Variants in TTC17 observed in about 807,000 individuals in gnomAD.
TTC17 encodes tetratricopeptide repeat protein 17.
In TTC17, 58 loss-of-function variants were observed where a neutral mutation model predicts 143.8. The observed-to-expected ratio is 0.40, with a 90% CI of 0.33 to 0.50. The LOEUF (loss-of-function observed/expected upper bound fraction) is 0.50, where lower values mean the gene tolerates loss of function less well. TTC17 is among the 20% of genes least tolerant of loss of function. The probability of loss-of-function intolerance (pLI) is 0.49; values close to 1 mark genes in which losing one functional copy is unlikely to be tolerated. For missense variants in TTC17, 1,273 were observed against 1,392.5 expected (o/e 0.91, Z 1.37); for synonymous variants, 501 against 497.8 (o/e 1.01, Z -0.09).
intron 8 of TTC17, 110 bp downstream of exon 8, chr11:43,398,223 T>A: frequency 7.5e-7 from 1 of 1,336,160 alleles, no homozygotes; most frequent in Non-Finnish European, 1.0e-6. Context: ...GAAAGAAACC[T>A]CTTCACTACT....
intron 15 of TTC17, among the ~76,000 whole-genome samples, chr11:43,409,258 T>C (rs1316388583): frequency 1.3e-5 from 2 of 152,196 alleles, no homozygotes; most frequent in Admixed American, 6.5e-5. Flanking sequence ...TGTTGCTGCA[T>C]ATTTAGGTTG....
chr11:43,490,426 C>T (rs1948453938), intron 22 of TTC17, 68 bp downstream of exon 22: 2 of 1,494,808 alleles, frequency 1.3e-6, no homozygotes, highest in South Asian at 1.4e-5. Context: ...GTTTATTCTG[C>T]CCTTTGAACC....
At chr11:43,402,747 G>A (rs990822188) in intron 10 of TTC17, among the ~76,000 whole-genome samples, 8 of 152,084 alleles carry the variant, frequency 5.3e-5, no homozygotes, top group African/African-American at 1.7e-4. Flanking sequence ...TCCTGATTAA[G>A]CATTTCAGAA....
chr11:43,407,405 C>T lies in TTC17; in HGVS notation c.1892C>T (p.Ala631Val). 6.2e-7 allele frequency: 1 copy of T among 1,613,956 alleles called. No individual in the cohort carries two copies. Among genetic ancestry groups the T allele is most frequent in the South Asian group, 1.1e-5 (1 of 91,074 alleles). ...ILNEAGLYWR[A>V]VGNSTFAIAC... is the part of the protein sequence containing the mutation. ...AATGAAGCTGGACTATACTGGAGAG[C>T]AGTAGGAAATAGCACTTTTGCTATT... Residue 631 changes from alanine (A) to valine (V), a missense_variant, in exon 15 of 24, where the codon GCA becomes GTA. Around this residue, in one of 3 missense-constraint regions of TTC17, gnomAD observed 878 missense variants for 899.8 expected, o/e 0.98. Transcript: ENST00000039989.
intron 22 of TTC17, 126 bp from the exon 23 acceptor site, chr11:43,491,894 A>C: frequency 7.9e-7 from 1 of 1,262,648 alleles, no homozygotes; most frequent in Admixed American, 2.1e-5. Flanking sequence ...GCACAAAAGC[A>C]CTTTGAGTGG....
rs528811911 is a variant in TTC17, at chr11:43,448,930, C to T, written c.2786+808C>T. 10 of 152,058 alleles carry T rather than the reference C, an allele frequency of 6.6e-5. No homozygotes were observed. In the East Asian group the frequency reaches 1.7e-3, roughly 27 times the overall value. The allele number at this position is 152,058 out of a possible 1,614,324, so 9.4% of individuals were successfully genotyped here. ...CTGGGAGTTATCCTTAATGATTTTC[C>T]TCCCTTGCTCTTCAAATTCAGCCTG... On this transcript the variant is annotated intron_variant, in intron 19 of 23. Coordinates refer to ENST00000039989, the MANE Select transcript of TTC17 (RefSeq NM_018259.6).
intron 15 of TTC17, among the ~76,000 whole-genome samples, chr11:43,409,912 G>T (rs918979157): frequency 2.6e-5 from 4 of 151,230 alleles, no homozygotes; most frequent in African/African-American, 9.7e-5. Flanking sequence ...CATGATCTCA[G>T]CTCACTGCAA....
chr11:43,464,220 CA>C (rs1468970543), intron 21 of TTC17, among the ~76,000 whole-genome samples: 1 of 150,234 alleles, frequency 6.7e-6, no homozygotes, highest in Non-Finnish European at 1.5e-5. Context: ...GCAGAGGTTG[CA>C]GTGAGCTGAG....
At chr11:43,386,688 A>G (rs1377765499) in intron 2 of TTC17, among the ~76,000 whole-genome samples, 1 of 152,234 alleles carries the variant, frequency 6.6e-6, no homozygotes, top group Non-Finnish European at 1.5e-5. Context: ...CTAAAAGCTG[A>G]TACTTGCCAT....
intron 15 of TTC17, among the ~76,000 whole-genome samples, chr11:43,408,086 A>G (rs1858228296): frequency 6.6e-6 from 1 of 152,168 alleles, no homozygotes; most frequent in South Asian, 2.1e-4. Context: ...TTTGTAGTTC[A>G]TGGTTTTGAA....
chr11:43,438,777 A>T (rs1163945574), intron 16 of TTC17, among the ~76,000 whole-genome samples: 2 of 152,052 alleles, frequency 1.3e-5, no homozygotes, highest in Non-Finnish European at 2.9e-5. Context: ...ACTCCTTGAA[A>T]CTTCTCTTCC....
At chr11:43,401,072 C>A (rs898060010) in intron 9 of TTC17, among the ~76,000 whole-genome samples, 6 of 152,084 alleles carry the variant, frequency 3.9e-5, no homozygotes, top group African/African-American at 1.2e-4. Flanking sequence ...TGAAATGTAA[C>A]CAGAGCTCTT....
chr11:43,460,326 A>C (rs1015916983), intron 21 of TTC17, among the ~76,000 whole-genome samples: 1 of 152,162 alleles, frequency 6.6e-6, no homozygotes, highest in African/African-American at 2.4e-5. Flanking sequence ...AACCTTAGCC[A>C]GATCTATAAC....
chr11:43,359,946 C>T (rs1856031299), intron 1 of TTC17, among the ~76,000 whole-genome samples: 1 of 152,164 alleles, frequency 6.6e-6, no homozygotes. Context: ...CTAACGAGTG[C>T]GTGTGTGTGT....
At chr11:43,373,060 G>C (rs564901904) in intron 1 of TTC17, among the ~76,000 whole-genome samples, 2 of 152,160 alleles carry the variant, frequency 1.3e-5, no homozygotes, top group Non-Finnish European at 2.9e-5. Flanking sequence ...ATCCTGACAT[G>C]ATATATATCT....
intron 13 of TTC17, among the ~76,000 whole-genome samples, chr11:43,406,208 A>G (rs1858124536): frequency 6.6e-6 from 1 of 152,180 alleles, no homozygotes; most frequent in Non-Finnish European, 1.5e-5. Context: ...AAAGATGAGT[A>G]GCACAGAACT....
intron 1 of TTC17, among the ~76,000 whole-genome samples, chr11:43,360,861 A>C (rs1239568622): frequency 6.6e-6 from 1 of 152,188 alleles, no homozygotes; most frequent in Admixed American, 6.5e-5. Flanking sequence ...TGCTGAGCTA[A>C]GTAATTAGGC....
At chr11:43,475,372 C>T (rs187619422) in intron 21 of TTC17, among the ~76,000 whole-genome samples, 1 of 152,246 alleles carries the variant, frequency 6.6e-6, no homozygotes, top group African/African-American at 2.4e-5. Flanking sequence ...AAAGCAGTCG[C>T]CCAGGCTAAA....
chr11:43,369,686 AT>A (rs1356100041), intron 1 of TTC17, among the ~76,000 whole-genome samples: 2 of 147,044 alleles, frequency 1.4e-5, no homozygotes, highest in African/African-American at 5.1e-5. Context: ...GTGCAATCTT[AT>A]TTCACTGCAA....
Sources: allele counts gnomAD v4.1 joint callset (sites outside exome capture counted in the v4.1 genomes callset), GRCh38; gene constraint gnomAD v4.1.1; regional missense constraint gnomAD v4.1.1; transcripts MANE v1.5; gene names NCBI Gene and HGNC (gene_info 2026-07-23, HGNC 2026-07-21).